Variants in SPRED1 observed in about 807,000 individuals in gnomAD.
SPRED1 encodes the protein sprouty related EVH1 domain containing 1, also known as sprouty-related, EVH1 domain-containing protein 1.
In SPRED1, 18 loss-of-function variants were observed where a neutral mutation model predicts 52.3. That is an observed-to-expected ratio of 0.34 (90% CI 0.24 to 0.51). The LOEUF (loss-of-function observed/expected upper bound fraction) is 0.51, where lower values mean the gene tolerates loss of function less well. SPRED1 is among the 20% of genes least tolerant of loss of function. The pLI is 0.97. For missense variants in SPRED1, 485 were observed against 551.0 expected, an observed-to-expected ratio of 0.88 and a Z score of 1.20; for synonymous variants, 155 against 179.7, an observed-to-expected ratio of 0.86 and a Z score of 1.10.
chr15:38,293,416 A>G (rs1401927292), intron 1 of SPRED1, among the ~76,000 whole-genome samples: 6 of 152,146 alleles, frequency 3.9e-5, no homozygotes, highest in Non-Finnish European at 8.8e-5. Context: ...ACAACTTTTA[A>G]GAGGTGACAC....
intron 1 of SPRED1, among the ~76,000 whole-genome samples, chr15:38,278,137 A>T (rs940533272): frequency 1.2e-4 from 18 of 152,212 alleles, no homozygotes; most frequent in Non-Finnish European, 4.4e-5. Context: ...TAATGAAAAC[A>T]GAAAACTCTC....
At chr15:38,329,994 T>G (rs1895777372) in intron 4 of SPRED1, among the ~76,000 whole-genome samples, 1 of 152,210 alleles carries the variant, frequency 6.6e-6, no homozygotes, top group South Asian at 2.1e-4. Context: ...CATTTTAATT[T>G]GTATCTTTGA....
chr15:38,321,354 A>C (rs539578472), intron 2 of SPRED1, among the ~76,000 whole-genome samples: 10 of 152,292 alleles, frequency 6.6e-5, no homozygotes, highest in African/African-American at 2.4e-4. Context: ...TGCTTCATGC[A>C]TTGCATGAAG....
intron 2 of SPRED1, among the ~76,000 whole-genome samples, chr15:38,301,403 TG>T (rs1895147152): frequency 6.6e-6 from 1 of 152,180 alleles, no homozygotes; most frequent in South Asian, 2.1e-4. Context: ...TCAGAACACC[TG>T]ATGTTTCACG....
rs1888623244 is a variant in SPRED1 at position 38,356,442 on chromosome 15, T to G, written c.*4778T>G. On this transcript the variant is annotated 3_prime_UTR_variant, in exon 7 of 7. Coordinates refer to ENST00000299084, the MANE Select transcript of SPRED1 (RefSeq NM_152594.3). ...CCTCCTGGAATTACCTGATTAAACC[T>G]GTCATGAATTATAAAAGGACTTTTT... is the stretch of plus-strand genomic sequence containing the variant. 1 of 152,142 alleles carries G rather than the reference T, an allele frequency of 6.6e-6. No homozygotes were observed. Among genetic ancestry groups the G allele is most frequent in the Non-Finnish European group, 1.5e-5 (1 of 67,976 alleles). 9.4% of individuals were successfully genotyped at this position (152,142 alleles called of 1,614,324 possible). A position where few individuals can be genotyped will look rare whatever the true frequency, so the allele number is the denominator to read the frequency against.
chr15:38,262,560 G>C (rs1274854416), intron 1 of SPRED1, among the ~76,000 whole-genome samples: 1 of 152,172 alleles, frequency 6.6e-6, no homozygotes, highest in Non-Finnish European at 1.5e-5. Flanking sequence ...ATACCTTTTT[G>C]GATACAGTTG....
intron 1 of SPRED1, among the ~76,000 whole-genome samples, chr15:38,285,858 C>T (rs536965148): frequency 5.9e-5 from 9 of 152,288 alleles, no homozygotes; most frequent in East Asian, 1.9e-4. Context: ...CGAACAGACA[C>T]GTTAGAATTG....
At chr15:38,329,210 T>A (rs370332726) in intron 4 of SPRED1, among the ~76,000 whole-genome samples, 1 of 152,178 alleles carries the variant, frequency 6.6e-6, no homozygotes, top group African/African-American at 2.4e-5. Flanking sequence ...TATCATGTTT[T>A]TGGGCAGAAG....
chr15:38,263,724 C>A (rs930630192), intron 1 of SPRED1, among the ~76,000 whole-genome samples: 2 of 152,164 alleles, frequency 1.3e-5, no homozygotes, highest in East Asian at 3.9e-4. Context: ...TTGAGGGTGT[C>A]CAATCTTTTG....
chr15:38,272,982 A>G lies in SPRED1; in HGVS notation c.32+19765A>G, dbSNP rs74963264. Among the ~76,000 whole-genome samples the G allele has an allele frequency of 8.7e-3, 1,320 of 152,200 alleles. 20 individuals carry two copies. The highest frequency in any genetic ancestry group is 0.03 in the African/African-American group (1,249 of 41,540). ...TTATGAATATTTTCTCCCGTTCTGT[A>G]GGTTTACTCTGTTGATAGTTTCCTT... On this transcript the variant is annotated intron_variant, in intron 1 of 6. Transcript: ENST00000299084.
At chr15:38,264,369 C>G (rs1255444332) in intron 1 of SPRED1, among the ~76,000 whole-genome samples, 1 of 152,110 alleles carries the variant, frequency 6.6e-6, no homozygotes, top group Non-Finnish European at 1.5e-5. Context: ...TAGATTGACA[C>G]ATAGAACTGA....
intron 1 of SPRED1, among the ~76,000 whole-genome samples, chr15:38,287,983 A>G (rs1431495719): frequency 6.6e-6 from 1 of 152,182 alleles, no homozygotes; most frequent in African/African-American, 2.4e-5. Flanking sequence ...GGTTCCTGGA[A>G]AGACTTGAAT....
chr15:38,256,089 T>G (rs1212123143), intron 1 of SPRED1, among the ~76,000 whole-genome samples: 4 of 152,188 alleles, frequency 2.6e-5, no homozygotes, highest in African/African-American at 9.6e-5. Context: ...GTGGGGGATC[T>G]GTTATGTGTA....
intron 1 of SPRED1, among the ~76,000 whole-genome samples, chr15:38,277,733 C>T (rs1734372593): frequency 6.6e-6 from 1 of 152,198 alleles, no homozygotes; most frequent in Admixed American, 6.5e-5. Flanking sequence ...TTCCCATGAG[C>T]AGTGTATAAG....
chr15:38,341,491 A>G (rs953124882), intron 5 of SPRED1, among the ~76,000 whole-genome samples: 1 of 151,630 alleles, frequency 6.6e-6, no homozygotes, highest in South Asian at 2.1e-4. Context: ...TCCACATTTT[A>G]CAATATTTTC....
At chr15:38,323,927 A>G (rs1361217509) in intron 3 of SPRED1, among the ~76,000 whole-genome samples, 1 of 152,218 alleles carries the variant, frequency 6.6e-6, no homozygotes, top group Non-Finnish European at 1.5e-5. Flanking sequence ...AATGATTTAT[A>G]AGGAGTAGCT....
At chr15:38,338,224 A>G (rs1895960827) in intron 4 of SPRED1, among the ~76,000 whole-genome samples, 1 of 150,988 alleles carries the variant, frequency 6.6e-6, no homozygotes, top group Admixed American at 6.6e-5. Flanking sequence ...AAGAAAAAAA[A>G]AAGGAAAGAA....
At chr15:38,278,029 A>C (rs1451342173) in intron 1 of SPRED1, among the ~76,000 whole-genome samples, 1 of 151,936 alleles carries the variant, frequency 6.6e-6, no homozygotes, top group Non-Finnish European at 1.5e-5. Context: ...TATAGGATTA[A>C]TTATATCTTA....
intron 1 of SPRED1, chr15:38,268,382 T>G (rs751563870): frequency 1.3e-5 from 2 of 152,222 alleles, no homozygotes; most frequent in African/African-American, 2.4e-5. Flanking sequence ...GAACAGGGAA[T>G]TTTTCAATGG....
Sources: allele counts gnomAD v4.1 joint callset (sites outside exome capture counted in the v4.1 genomes callset), GRCh38; gene constraint gnomAD v4.1.1; transcripts MANE v1.5; gene names NCBI Gene and HGNC (gene_info 2026-07-23, HGNC 2026-07-21).